The following CEP112 variants were observed in gnomAD, a reference collection of about 807,000 sequenced individuals.
The protein encoded by CEP112 is centrosomal protein 112, also known as centrosomal protein of 112 kDa.
CEP112 carries 127 observed loss-of-function variants against 153.0 expected under a neutral mutation model. That is an observed-to-expected ratio of 0.83 (90% CI 0.72 to 0.96). The LOEUF (loss-of-function observed/expected upper bound fraction) is 0.96. Ranked by LOEUF, CEP112 falls within the 40% of genes least tolerant of loss-of-function variation. CEP112 has a pLI of 0.00. For missense variants in CEP112, 1,089 were observed against 1,101.2 expected (o/e 0.99, Z 0.16); for synonymous variants, 358 against 374.4 (o/e 0.96, Z 0.51).
At chr17:65,976,544 C>T (rs2063040209) in intron 17 of CEP112, among the ~76,000 whole-genome samples, 1 of 151,822 alleles carries the variant, frequency 6.6e-6, no homozygotes, top group African/African-American at 2.4e-5. Flanking sequence ...TCTAAGGACC[C>T]TATAGAAGTA....
At chr17:65,770,635 T>G (rs1160498643) in intron 21 of CEP112, among the ~76,000 whole-genome samples, 1 of 152,084 alleles carries the variant, frequency 6.6e-6, no homozygotes, top group Non-Finnish European at 1.5e-5. Flanking sequence ...AATTGAATAT[T>G]TAAAGCAATA....
intron 21 of CEP112, among the ~76,000 whole-genome samples, chr17:65,819,232 C>T (rs2056415538): frequency 6.6e-6 from 1 of 151,888 alleles, no homozygotes; most frequent in Non-Finnish European, 1.5e-5. Context: ...ACTAGCCTCA[C>T]CTTATTTTTT....
intron 6 of CEP112, among the ~76,000 whole-genome samples, chr17:66,127,736 T>C (rs1342744415): frequency 6.6e-6 from 1 of 152,140 alleles, no homozygotes; most frequent in Non-Finnish European, 1.5e-5. Context: ...CTCTTGACTC[T>C]CAGGAAGCTC....
intron 17 of CEP112, among the ~76,000 whole-genome samples, chr17:65,990,529 G>A (rs1568346671): frequency 6.6e-6 from 1 of 152,224 alleles, no homozygotes; most frequent in East Asian, 1.9e-4. Context: ...CTGTCATGGT[G>A]GAAAAGAGAA....
intron 21 of CEP112, among the ~76,000 whole-genome samples, chr17:65,778,539 C>G (rs2053815539): frequency 6.6e-6 from 1 of 152,012 alleles, no homozygotes; most frequent in Admixed American, 6.6e-5. Flanking sequence ...CAGCTCGTGG[C>G]TTTGGCATCA....
intron 8 of CEP112, among the ~76,000 whole-genome samples, chr17:66,086,700 C>G (rs1446071085): frequency 1.3e-5 from 2 of 151,498 alleles, no homozygotes; most frequent in Non-Finnish European, 2.9e-5. Flanking sequence ...CCTGGCCATA[C>G]CAATTTTCTT....
chr17:66,091,777 C>G (rs2068140537), intron 8 of CEP112, among the ~76,000 whole-genome samples: 1 of 151,452 alleles, frequency 6.6e-6, no homozygotes. Context: ...ACAAAATTGA[C>G]AAAACTTTAG....
chr17:65,746,165 CAAAAAAAAAAAAA>C (rs56361589), intron 22 of CEP112, among the ~76,000 whole-genome samples: 14 of 49,482 alleles, frequency 2.8e-4, no homozygotes, highest in South Asian at 1.9e-3. Flanking sequence ...AACTCCATCT[CAAAAAAAAAAAAA>C]AAAAAAAAAA....
At chr17:65,933,898 G>A (rs146494709) in intron 18 of CEP112, among the ~76,000 whole-genome samples, 2 of 152,294 alleles carry the variant, frequency 1.3e-5, no homozygotes, top group African/African-American at 4.8e-5. Context: ...GCAATAAACT[G>A]TTAAGGGAGG....
chr17:65,697,312 T>C (rs1357501841), intron 23 of CEP112, among the ~76,000 whole-genome samples: 1 of 152,208 alleles, frequency 6.6e-6, no homozygotes, highest in East Asian at 1.9e-4. Flanking sequence ...ATTTAAACCT[T>C]AATTGCCTTC....
chr17:65,641,548 A>C (rs1477311169), intron 24 of CEP112, among the ~76,000 whole-genome samples: 1 of 152,240 alleles, frequency 6.6e-6, no homozygotes, highest in East Asian at 1.9e-4. Flanking sequence ...AGATCACTTG[A>C]GCCCAGGAGT....
At chr17:65,984,823 T>C (rs10512508) in intron 17 of CEP112, among the ~76,000 whole-genome samples, 62,950 of 152,042 alleles carry the variant, frequency 0.41, 14,530 homozygotes, top group East Asian at 0.87. Context: ...ACTTTCGAAC[T>C]GGATTGTCTC....
At chr17:65,971,273 C>G (rs1414644651) in intron 17 of CEP112, among the ~76,000 whole-genome samples, 1 of 152,170 alleles carries the variant, frequency 6.6e-6, no homozygotes, top group Non-Finnish European at 1.5e-5. Flanking sequence ...CACACATGTA[C>G]AGCACATGCA....
At chr17:65,909,740 T>TA (rs1262827478) in intron 19 of CEP112, among the ~76,000 whole-genome samples, 1 of 152,060 alleles carries the variant, frequency 6.6e-6, no homozygotes, top group Non-Finnish European at 1.5e-5. Context: ...AGAAGAATAA[T>TA]AACTTGGCCA....
intron 21 of CEP112, among the ~76,000 whole-genome samples, chr17:65,763,025 G>C (rs964333734): frequency 2.6e-5 from 4 of 151,808 alleles, no homozygotes; most frequent in Admixed American, 1.3e-4. Context: ...ATTTTTGTTT[G>C]TCTGAGAAAG....
chr17:66,008,347 T>C (rs1375215140), intron 16 of CEP112, among the ~76,000 whole-genome samples: 1 of 152,110 alleles, frequency 6.6e-6, no homozygotes, highest in Non-Finnish European at 1.5e-5. Flanking sequence ...CAGATACTTA[T>C]TCCTCCTGTC....
chr17:66,092,094 T>G (rs1162498193), intron 8 of CEP112, among the ~76,000 whole-genome samples: 2 of 149,776 alleles, frequency 1.3e-5, no homozygotes, highest in Non-Finnish European at 3.0e-5. Flanking sequence ...CAGGCTGGAG[T>G]GCAGTAGTGC....
intron 8 of CEP112, among the ~76,000 whole-genome samples, chr17:66,076,060 G>A (rs991917076): frequency 3.9e-5 from 6 of 152,182 alleles, no homozygotes; most frequent in African/African-American, 1.4e-4. Flanking sequence ...CTGGGAGCTC[G>A]CTGGGTCCCC....
At chr17:65,748,056 A>C (rs1196659496) in intron 22 of CEP112, among the ~76,000 whole-genome samples, 1 of 152,218 alleles carries the variant, frequency 6.6e-6, no homozygotes, top group Non-Finnish European at 1.5e-5. Context: ...TCACTTAAAT[A>C]TGGAGAGATC....
Sources: gnomAD v4.1 joint callset for allele counts (sites outside exome capture counted in the v4.1 genomes callset) on GRCh38, gnomAD v4.1.1 for gene constraint, MANE v1.5 for transcripts, NCBI Gene and HGNC (gene_info 2026-07-23, HGNC 2026-07-21) for gene names.